The following SH3GL2 variants were observed in gnomAD, a reference collection of about 807,000 sequenced individuals.
SH3GL2 encodes the protein SH3 domain containing GRB2 like 2, endophilin A1, also known as endophilin-A1.
SH3GL2 carries 24 observed loss-of-function variants against 46.0 expected under a neutral mutation model. That is an observed-to-expected ratio of 0.52 (90% CI 0.38 to 0.73). The LOEUF (loss-of-function observed/expected upper bound fraction) is 0.73, where lower values mean the gene tolerates loss of function less well. Among genes scored for constraint, SH3GL2 ranks in the 30% least tolerant of loss-of-function variants. The probability of loss-of-function intolerance (pLI) is 0.00; values close to 1 mark genes in which losing one functional copy is unlikely to be tolerated. For missense variants in SH3GL2, 413 were observed against 424.2 expected, an observed-to-expected ratio of 0.97 and a Z score of 0.23; for synonymous variants, 196 against 147.1, an observed-to-expected ratio of 1.33 and a Z score of -2.40.
intron 1 of SH3GL2, among the ~76,000 whole-genome samples, chr9:17,667,556 T>C (rs1321896078): frequency 6.6e-6 from 1 of 152,232 alleles, no homozygotes. Flanking sequence ...TAAAACATTT[T>C]CTCATCAGTT....
In SH3GL2 at chr9:17,795,849, C is replaced by G; in HGVS notation, c.*106C>G. ...CATCCCAAGTGCAGGCCGCAGTGGT[C>G]CACGTCATCCAGCCCCACCAAGTGA... On this transcript the variant is annotated 3_prime_UTR_variant, in exon 9 of 9. Transcript: ENST00000380607. The G allele has an allele frequency of 1.2e-6, 1 of 851,100 alleles. No individual in the cohort carries two copies. The allele number at this position is 851,100 out of a possible 1,614,324, so 52.7% of individuals were successfully genotyped here. A position where few individuals can be genotyped will look rare whatever the true frequency, so the allele number is the denominator to read the frequency against.
In SH3GL2 at chr9:17,694,204, C is replaced by T. The variant is rs113261456; in HGVS notation, c.46-52862C>T. 1.6e-4 allele frequency among the ~76,000 whole-genome samples: 24 copies of T among 152,212 alleles called. 1 individual carries two copies. Among genetic ancestry groups the T allele is most frequent in the Middle Eastern group, 3.4e-3 (1 of 294 alleles). On this transcript the variant is annotated intron_variant, in intron 1 of 8. Transcript: ENST00000380607. ...GAAGAAAAGAGGCTTAATTGACTCACAGTTCCACAGGCTGTCCAGGAAGCT... is the reference window on the plus strand; with the variant it reads ...GAAGAAAAGAGGCTTAATTGACTCATAGTTCCACAGGCTGTCCAGGAAGCT...
At chr9:17,680,065 A>T (rs1820727321) in intron 1 of SH3GL2, among the ~76,000 whole-genome samples, 2 of 152,148 alleles carry the variant, frequency 1.3e-5, no homozygotes, top group Admixed American at 1.3e-4. Flanking sequence ...ATCGATGTTC[A>T]TCAGGGATAT....
intron 1 of SH3GL2, among the ~76,000 whole-genome samples, chr9:17,650,240 A>G (rs1051284688): frequency 1.3e-5 from 2 of 152,250 alleles, no homozygotes; most frequent in African/African-American, 4.8e-5. Flanking sequence ...TACTTAAACT[A>G]GAAATAAATG....
At chr9:17,702,992 A>T (rs901127592) in intron 1 of SH3GL2, among the ~76,000 whole-genome samples, 4 of 152,140 alleles carry the variant, frequency 2.6e-5, no homozygotes, top group East Asian at 3.9e-4. Context: ...CCATTACTTT[A>T]TCCTGCCTTA....
At chr9:17,756,311 CT>C (rs892190241) in intron 2 of SH3GL2, among the ~76,000 whole-genome samples, 14 of 151,798 alleles carry the variant, frequency 9.2e-5, no homozygotes, top group South Asian at 2.1e-4. Context: ...GTTTCACTTT[CT>C]TTTTTTTATT....
chr9:17,665,649 C>T (rs1215405340), intron 1 of SH3GL2, among the ~76,000 whole-genome samples: 1 of 151,874 alleles, frequency 6.6e-6, no homozygotes. Flanking sequence ...AGAATGATGT[C>T]ATCATCGTTC....
At chr9:17,738,872 A>T (rs1474189883) in intron 1 of SH3GL2, among the ~76,000 whole-genome samples, 11 of 151,980 alleles carry the variant, frequency 7.2e-5, no homozygotes, top group Admixed American at 7.2e-4. Flanking sequence ...CCACATTATG[A>T]AGGATAATCT....
At chr9:17,582,984 C>T (rs1563771045) in intron 1 of SH3GL2, among the ~76,000 whole-genome samples, 1 of 152,170 alleles carries the variant, frequency 6.6e-6, no homozygotes, top group African/African-American at 2.4e-5. Context: ...CCATCCTACT[C>T]CAGTATGATT....
intron 1 of SH3GL2, chr9:17,590,015 T>G (rs1207269725): frequency 1.3e-5 from 2 of 152,224 alleles, no homozygotes; most frequent in African/African-American, 4.8e-5. Flanking sequence ...TTGAGCAGCT[T>G]GGCCAGGGAG....
intron 2 of SH3GL2, among the ~76,000 whole-genome samples, chr9:17,754,416 G>A (rs755800013): frequency 1.3e-5 from 2 of 152,136 alleles, no homozygotes; most frequent in Non-Finnish European, 2.9e-5. Flanking sequence ...ACTCACGCCT[G>A]TAATCCCAGC....
At chr9:17,600,271 A>G (rs1818644824) in intron 1 of SH3GL2, among the ~76,000 whole-genome samples, 1 of 152,218 alleles carries the variant, frequency 6.6e-6, no homozygotes, top group African/African-American at 2.4e-5. Flanking sequence ...ATGTTCTTAA[A>G]CTGTTTGATT....
chr9:17,747,706 G>A (rs776392049), intron 2 of SH3GL2, among the ~76,000 whole-genome samples: 1 of 151,878 alleles, frequency 6.6e-6, no homozygotes, highest in African/African-American at 2.4e-5. Flanking sequence ...ATGGAGTCTT[G>A]CTCTGTTGCC....
chr9:17,695,400 A>G (rs1243943285), intron 1 of SH3GL2, among the ~76,000 whole-genome samples: 1 of 152,144 alleles, frequency 6.6e-6, no homozygotes, highest in Non-Finnish European at 1.5e-5. Context: ...TTTTATTTCC[A>G]GGGGGTTAGA....
chr9:17,621,864 C>T (rs187090370), intron 1 of SH3GL2, among the ~76,000 whole-genome samples: 19 of 152,242 alleles, frequency 1.2e-4, no homozygotes, highest in Admixed American at 1.1e-3. Context: ...TGCAGTATGC[C>T]ATAAGTGCCG....
intron 1 of SH3GL2, among the ~76,000 whole-genome samples, chr9:17,618,904 A>C (rs2134596691): frequency 6.6e-6 from 1 of 152,214 alleles, no homozygotes; most frequent in African/African-American, 2.4e-5. Context: ...AAACGTCTGA[A>C]AAAGTCCAAA....
intron 1 of SH3GL2, among the ~76,000 whole-genome samples, chr9:17,699,652 T>C (rs1198185399): frequency 6.6e-6 from 1 of 152,246 alleles, no homozygotes; most frequent in Non-Finnish European, 1.5e-5. Context: ...GTGCTTGCTT[T>C]TGATACTGTG....
At chr9:17,755,071 A>G (rs372259357) in intron 2 of SH3GL2, among the ~76,000 whole-genome samples, 3 of 152,304 alleles carry the variant, frequency 2.0e-5, no homozygotes, top group South Asian at 4.1e-4. Flanking sequence ...GCCGGTTTTC[A>G]GGGGAAATGC....
chr9:17,594,386 CAGAG>C lies in SH3GL2; in HGVS notation c.45+15102_45+15105del, dbSNP rs1364701277. On this transcript the variant is annotated intron_variant, in intron 1 of 8. Transcript: ENST00000380607. ...CCACTTTATCAGCTTCATATTTTCT[CAGAG>C]AGGTTACCCTTCCCTCATTTAGTGT... 2.6e-5 allele frequency among the ~76,000 whole-genome samples: 4 copies of C among 151,872 alleles called. No individual in the cohort carries two copies. The East Asian group carries it at 5.8e-4, about 22-fold the overall frequency.
Sources: allele counts gnomAD v4.1 joint callset (sites outside exome capture counted in the v4.1 genomes callset), GRCh38; gene constraint gnomAD v4.1.1; transcripts MANE v1.5; gene names NCBI Gene and HGNC (gene_info 2026-07-23, HGNC 2026-07-21).